Variants in MALRD1 observed in about 807,000 individuals in gnomAD.
MALRD1 encodes the protein MAM and LDL-receptor class A domain-containing protein 1.
In MALRD1, 247 loss-of-function variants were observed where a neutral mutation model predicts 242.1. The ratio of observed to expected loss-of-function variants is 1.02; its 90% CI spans 0.92 to 1.13. The LOEUF is 1.13. Ranked by LOEUF, MALRD1 falls within the 50% of genes most tolerant of loss-of-function variation. The probability of loss-of-function intolerance (pLI) is 0.00; values close to 1 mark genes in which losing one functional copy is unlikely to be tolerated. For synonymous variants in MALRD1, 995 were observed against 866.6 expected (o/e 1.15, Z -2.60); for missense variants, 2,989 against 2,533.1 (o/e 1.18, Z -3.86).
chr10:19,402,536 T>C (rs1035190241), intron 28 of MALRD1, among the ~76,000 whole-genome samples: 2 of 152,174 alleles, frequency 1.3e-5, no homozygotes, highest in South Asian at 2.1e-4. Flanking sequence ...TCCCCAGCCA[T>C]GTGGAACTGT....
intron 14 of MALRD1, among the ~76,000 whole-genome samples, chr10:19,201,448 G>A (rs1045020560): frequency 6.6e-6 from 1 of 152,104 alleles, no homozygotes; most frequent in African/African-American, 2.4e-5. Context: ...TATCTCCCTG[G>A]ATAGCAGATA....
chr10:19,310,681 A>G (rs942099493), intron 21 of MALRD1, among the ~76,000 whole-genome samples: 1 of 151,438 alleles, frequency 6.6e-6, no homozygotes, highest in African/African-American at 2.4e-5. Flanking sequence ...TCAGCAGCCT[A>G]CTTCTCTTAT....
chr10:19,248,418 T>A (rs938218849), intron 18 of MALRD1, among the ~76,000 whole-genome samples: 1 of 151,488 alleles, frequency 6.6e-6, no homozygotes, highest in East Asian at 1.9e-4. Flanking sequence ...GTGTGACACA[T>A]GTAGAAAATG....
At chr10:19,602,164 T>C (rs1838377396) in intron 34 of MALRD1, among the ~76,000 whole-genome samples, 1 of 149,790 alleles carries the variant, frequency 6.7e-6, no homozygotes, top group Admixed American at 6.7e-5. Context: ...CTTTTTTTTT[T>C]TTTTTTTGTC....
intron 36 of MALRD1, among the ~76,000 whole-genome samples, chr10:19,682,174 T>A (rs1239577690): frequency 2.6e-5 from 4 of 152,182 alleles, no homozygotes; most frequent in African/African-American, 4.8e-5. Context: ...CTCTGCCAGT[T>A]CCTACCAAAT....
chr10:19,344,274 G>T (rs779310495), intron 24 of MALRD1, among the ~76,000 whole-genome samples: 1 of 152,034 alleles, frequency 6.6e-6, no homozygotes, highest in Non-Finnish European at 1.5e-5. Context: ...TCTTTAAAAA[G>T]TTGTATGATA....
intron 18 of MALRD1, among the ~76,000 whole-genome samples, chr10:19,241,458 C>T (rs1313579011): frequency 6.6e-6 from 1 of 151,840 alleles, no homozygotes; most frequent in Non-Finnish European, 1.5e-5. Flanking sequence ...AATTTTCTCT[C>T]TTTTTGTCTT....
At chr10:19,615,824 A>G in intron 35 of MALRD1, 33 bp from the exon 36 acceptor site, 2 of 1,438,154 alleles carry the variant, frequency 1.4e-6, no homozygotes, top group Non-Finnish European at 1.9e-6. Flanking sequence ...ACTATTTATA[A>G]TTAACTGGTG....
At chr10:19,199,967 T>G (rs895370096) in intron 14 of MALRD1, among the ~76,000 whole-genome samples, 13 of 151,684 alleles carry the variant, frequency 8.6e-5, no homozygotes, top group African/African-American at 2.9e-4. Context: ...CTCAACAAAA[T>G]TTTTTAAAAA....
At chr10:19,235,742 T>A (rs1174951387) in intron 18 of MALRD1, among the ~76,000 whole-genome samples, 4 of 151,914 alleles carry the variant, frequency 2.6e-5, no homozygotes, top group Non-Finnish European at 5.9e-5. Context: ...ATGGAGTGAA[T>A]GAGGAGAAAC....
At chr10:19,683,881 C>G (rs1475906941) in intron 36 of MALRD1, among the ~76,000 whole-genome samples, 1 of 152,078 alleles carries the variant, frequency 6.6e-6, no homozygotes, top group Non-Finnish European at 1.5e-5. Context: ...ATCTGGGTTT[C>G]AAGCCCAGCA....
intron 32 of MALRD1, among the ~76,000 whole-genome samples, chr10:19,537,299 A>G (rs1834729400): frequency 6.6e-6 from 1 of 152,154 alleles, no homozygotes; most frequent in Non-Finnish European, 1.5e-5. Context: ...CAAAGTGAAA[A>G]TGAAACTTGA....
At chr10:19,482,593 T>C (rs1837041666) in intron 29 of MALRD1, among the ~76,000 whole-genome samples, 1 of 150,990 alleles carries the variant, frequency 6.6e-6, no homozygotes, top group Non-Finnish European at 1.5e-5. Context: ...AGCATTTCTA[T>C]ACACTAATAA....
chr10:19,245,928 A>G (rs7921704), intron 18 of MALRD1, among the ~76,000 whole-genome samples: 10,549 of 152,270 alleles, frequency 0.069, 420 homozygotes, highest in East Asian at 0.17. Flanking sequence ...AATAGCATCA[A>G]GGACCCTATA....
intron 1 of MALRD1, among the ~76,000 whole-genome samples, chr10:19,063,700 G>A (rs1834888349): frequency 6.6e-6 from 1 of 151,370 alleles, no homozygotes; most frequent in African/African-American, 2.4e-5. Flanking sequence ...TGGACATTTG[G>A]GTTGGTTCCA....
intron 21 of MALRD1, among the ~76,000 whole-genome samples, chr10:19,309,282 T>C (rs1013123487): frequency 7.9e-5 from 12 of 151,532 alleles, no homozygotes; most frequent in African/African-American, 2.9e-4. Context: ...ATTCAGAGTC[T>C]TTAAATAACA....
At position 19,155,111 on chromosome 10, in the gene MALRD1, G is replaced by C. The variant is rs1834092874; in HGVS notation, c.1595G>C (p.Gly532Ala). The C allele has an allele frequency of 8.1e-7, 1 of 1,231,532 alleles. No homozygotes were observed. Among genetic ancestry groups the C allele is most frequent in the Non-Finnish European group, 1.0e-6 (1 of 987,896 alleles). The allele number at this position is 1,231,532 out of a possible 1,614,324, so 76.3% of individuals were successfully genotyped here. A position where few individuals can be genotyped will look rare whatever the true frequency, so the allele number is the denominator to read the frequency against. ...TATTTGGAGGCACAGCGCTCCCCCG[G>C]GGTGGCCAAGCTTGGAAGTCCTGTT... is the stretch of plus-strand genomic sequence containing the variant. ...FIYLEAQRSP[G>A]VAKLGSPVLT... The change falls in exon 12 of 40, where the codon GGG becomes GCG. Residue 532 changes from glycine to alanine, a missense_variant. Transcript: ENST00000454679.
chr10:19,565,729 T>G (rs1195202687), intron 32 of MALRD1, among the ~76,000 whole-genome samples: 1 of 152,210 alleles, frequency 6.6e-6, no homozygotes, highest in Admixed American at 6.5e-5. Flanking sequence ...CCAAATTCCC[T>G]TCTGATTGAA....
intron 26 of MALRD1, among the ~76,000 whole-genome samples, chr10:19,355,789 C>T (rs1486194058): frequency 1.4e-5 from 2 of 144,954 alleles, no homozygotes; most frequent in East Asian, 4.0e-4. Context: ...CTTAACTTCA[C>T]TGTGAGTTTA....
Sources: allele counts gnomAD v4.1 joint callset (sites outside exome capture counted in the v4.1 genomes callset), GRCh38; gene constraint gnomAD v4.1.1; transcripts MANE v1.5; gene names NCBI Gene and HGNC (gene_info 2026-07-23, HGNC 2026-07-21).